The following KAZN variants were observed in gnomAD, a reference collection of about 807,000 sequenced individuals.
KAZN encodes the protein kazrin.
In KAZN, 40 loss-of-function variants were observed where a neutral mutation model predicts 87.4. The observed-to-expected ratio is 0.46, with a 90% CI of 0.36 to 0.60. The LOEUF (loss-of-function observed/expected upper bound fraction) is 0.60, where lower values mean the gene tolerates loss of function less well. Among genes scored for constraint, KAZN ranks in the 20% least tolerant of loss-of-function variants. The probability of loss-of-function intolerance (pLI) is 0.00; values close to 1 mark genes in which losing one functional copy is unlikely to be tolerated. For missense variants in KAZN, 898 were observed against 1,073.9 expected (o/e 0.84, Z 2.29); for synonymous variants, 466 against 458.3 (o/e 1.02, Z -0.22).
At chr1:14,532,910 G>A (rs1358288776) in intron 2 of KAZN, among the ~76,000 whole-genome samples, 1 of 151,936 alleles carries the variant, frequency 6.6e-6, no homozygotes, top group Admixed American at 6.6e-5. Flanking sequence ...TTGCTATTGT[G>A]AATAGTGCTG....
rs183252747 is a variant in KAZN at position 14,108,509 on chromosome 1, G to A, written c.92-71926G>A. Among the ~76,000 whole-genome samples the A allele has an allele frequency of 1.4e-3, 210 of 152,210 alleles. 1 individual carries two copies. In the Middle Eastern group the frequency reaches 0.02, roughly 15 times the overall value. On this transcript the variant is annotated intron_variant, in intron 1 of 16. Transcript: ENST00000636203. ...GTGCTGCTGCTCAAAACGTGGCATCGTGCCAGACAGATCTCCCTCCCAGGA... is the reference window on the plus strand; with the variant it reads ...GTGCTGCTGCTCAAAACGTGGCATCATGCCAGACAGATCTCCCTCCCAGGA...
At chr1:14,050,420 G>C (rs942118397) in intron 1 of KAZN, among the ~76,000 whole-genome samples, 2 of 152,202 alleles carry the variant, frequency 1.3e-5, no homozygotes, top group African/African-American at 4.8e-5. Flanking sequence ...TTGACTCACA[G>C]TTCCGCATGG....
At chr1:14,172,970 GA>G (rs1557535379) in intron 1 of KAZN, among the ~76,000 whole-genome samples, 5 of 152,138 alleles carry the variant, frequency 3.3e-5, no homozygotes. Flanking sequence ...GCTTCTCCCA[GA>G]AGGAGCATTC....
intron 2 of KAZN, among the ~76,000 whole-genome samples, chr1:14,475,888 C>T (rs1668695630): frequency 6.6e-6 from 1 of 151,922 alleles, no homozygotes; most frequent in Admixed American, 6.6e-5. Flanking sequence ...GAAAGAAAGC[C>T]TTCGGAAGGT....
In KAZN at chr1:15,099,126, A is replaced by G. The variant is rs1363456920; in HGVS notation, c.1548-2417A>G. The stretch of plus-strand genomic sequence containing the variant: ...TCACTGGGGGAAGAGGGTGGGGTAG[A>G]GGACAGGCCCGGAGACAAGGGGGTC... On this transcript the variant is annotated intron_variant, in intron 10 of 14. Coordinates refer to ENST00000376030, the MANE Select transcript of KAZN (RefSeq NM_201628.3). The surrounding 1 kb of genome is among the most constrained non-coding windows in gnomAD (Gnocchi z 5.4). Among the ~76,000 whole-genome samples, 2 of 152,150 alleles carry G rather than the reference A, an allele frequency of 1.3e-5. No individual in the cohort carries two copies. Among genetic ancestry groups the G allele is most frequent in the East Asian group, 3.9e-4 (2 of 5,192 alleles).
intron 2 of KAZN, among the ~76,000 whole-genome samples, chr1:15,001,933 G>A (rs1243875705): frequency 3.4e-5 from 5 of 144,944 alleles, no homozygotes; most frequent in Non-Finnish European, 7.5e-5. Context: ...CAGGCTGGAG[G>A]GCAGTGGCAC....
At chr1:13,962,737 TA>T (rs1641802216) in intron 1 of KAZN, among the ~76,000 whole-genome samples, 1 of 152,112 alleles carries the variant, frequency 6.6e-6, no homozygotes, top group South Asian at 2.1e-4. Context: ...TTTGTATTTT[TA>T]GTAGAGTGAG....
At chr1:14,441,262 C>CATATAT (rs34569698) in intron 2 of KAZN, among the ~76,000 whole-genome samples, 4 of 149,462 alleles carry the variant, frequency 2.7e-5, no homozygotes, top group Admixed American at 1.3e-4. Flanking sequence ...TGAGAATACT[C>CATATAT]ATATATATAT....
intron 5 of KAZN, among the ~76,000 whole-genome samples, chr1:15,058,518 C>T (rs1638500098): frequency 2.0e-5 from 3 of 152,358 alleles, no homozygotes; most frequent in Non-Finnish European, 1.5e-5. Flanking sequence ...CCAATGCCTG[C>T]AGACAGGAGA....
intron 2 of KAZN, among the ~76,000 whole-genome samples, chr1:14,549,710 G>A (rs1284278760): frequency 8.7e-6 from 1 of 115,332 alleles, no homozygotes; most frequent in African/African-American, 3.5e-5. Context: ...GCCATGATTT[G>A]CAACTCTTCC....
Position 14,946,845 on chromosome 1 carries a change from G to A in KAZN, c.227-13839G>A, listed in dbSNP as rs1054241061. Among the ~76,000 whole-genome samples, 12 of 152,282 alleles carry A rather than the reference G, an allele frequency of 7.9e-5. 1 individual carries two copies. In the East Asian group the frequency reaches 1.4e-3, roughly 17 times the overall value. ...AGCTCATGGTATAGCCAGTGGCCGC[G>A]CGGTTGAGGTTGTGGATTCCAGACT... On this transcript the variant is annotated intron_variant, in intron 1 of 14. Coordinates refer to ENST00000376030, the MANE Select transcript of KAZN (RefSeq NM_201628.3).
At position 14,253,570 on chromosome 1, in the gene KAZN, G is replaced by A. The variant is rs550463954; in HGVS notation, c.249+72978G>A. Among the ~76,000 whole-genome samples, 106 of 152,258 alleles carry A rather than the reference G, an allele frequency of 7.0e-4. 3 individuals are homozygous for A. The highest frequency in any genetic ancestry group is 5.0e-3 in the Admixed American group (76 of 15,300). ...GAGATATTCGGGCTTTTGGCAGGTG[G>A]CAGCCTTGTCCTTTCAGGTAAAATC... is the stretch of plus-strand genomic sequence containing the variant. On this transcript the variant is annotated intron_variant, in intron 2 of 16. Coordinates refer to the KAZN transcript ENST00000636203.
intron 2 of KAZN, among the ~76,000 whole-genome samples, chr1:14,575,212 G>T (rs922456854): frequency 6.6e-6 from 1 of 151,992 alleles, no homozygotes; most frequent in Non-Finnish European, 1.5e-5. Context: ...GGAGATAAGA[G>T]TGGGGTAGTA....
At chr1:14,363,316 G>A (rs552907910) in intron 2 of KAZN, among the ~76,000 whole-genome samples, 4 of 152,244 alleles carry the variant, frequency 2.6e-5, no homozygotes, top group Admixed American at 1.3e-4. Context: ...CCTCACAGTC[G>A]GAAGGATGTT....
At chr1:14,123,822 C>G (rs12029911) in intron 1 of KAZN, among the ~76,000 whole-genome samples, 2 of 152,160 alleles carry the variant, frequency 1.3e-5, no homozygotes, top group African/African-American at 4.8e-5. Context: ...CACCCCTGGT[C>G]TCAGTGGTCA....
intron 1 of KAZN, among the ~76,000 whole-genome samples, chr1:14,160,757 T>C (rs1645692396): frequency 6.6e-6 from 1 of 152,178 alleles, no homozygotes; most frequent in East Asian, 1.9e-4. Flanking sequence ...CCCATTTATT[T>C]TATCTCTCTA....
intron 1 of KAZN, among the ~76,000 whole-genome samples, chr1:14,014,429 A>T (rs1640469385): frequency 6.6e-6 from 1 of 152,040 alleles, no homozygotes; most frequent in Non-Finnish European, 1.5e-5. Flanking sequence ...GAAGGAGAGG[A>T]TGCCTGGATA....
At chr1:14,826,645 C>T (rs1361602464) in intron 1 of KAZN, among the ~76,000 whole-genome samples, 1 of 152,168 alleles carries the variant, frequency 6.6e-6, no homozygotes, top group African/African-American at 2.4e-5. Context: ...ATGCATGCCC[C>T]CACTGAGACT....
chr1:14,108,240 C>T (rs1403496767), intron 1 of KAZN, among the ~76,000 whole-genome samples: 1 of 151,966 alleles, frequency 6.6e-6, no homozygotes, highest in Non-Finnish European at 1.5e-5. Flanking sequence ...TCTAGGAAGC[C>T]TTCTCCCCAC....
Sources: gnomAD v4.1 joint callset for allele counts (sites outside exome capture counted in the v4.1 genomes callset) on GRCh38, gnomAD v4.1.1 for gene constraint, Gnocchi (gnomAD v3.1) non-coding constraint, MANE v1.5 for transcripts, NCBI Gene and HGNC (gene_info 2026-07-23, HGNC 2026-07-21) for gene names.